Variants in PCDHGA4 observed in about 807,000 individuals in gnomAD.
The protein encoded by PCDHGA4 is protocadherin gamma subfamily A, 4.
In PCDHGA4, 38 loss-of-function variants were observed where a neutral mutation model predicts 54.6. The observed-to-expected ratio is 0.70, with a 90% CI of 0.54 to 0.91. The LOEUF is 0.91. Among genes scored for constraint, PCDHGA4 ranks in the 40% least tolerant of loss-of-function variants. The probability of loss-of-function intolerance (pLI) is 0.00; values close to 1 mark genes in which losing one functional copy is unlikely to be tolerated. For missense variants in PCDHGA4, 1,298 were observed against 1,220.9 expected (o/e 1.06, Z -0.94); for synonymous variants, 511 against 512.9 (o/e 1.00, Z 0.05).
rs772202160 is a variant in PCDHGA4 at position 141,356,568 on chromosome 5, C to T, written c.1461C>T (p.Ser487=). Residue 487 remains serine, a synonymous_variant, in exon 1 of 4, where the codon TCC becomes TCT. Transcript: ENST00000571252. ...NDNPPTFPHA[S]YSAYIPENNP... ...ACCCACCCACTTTCCCTCATGCTTCCTACTCTGCTTACATTCCTGAAAACA... is the reference window on the plus strand; with the variant it reads ...ACCCACCCACTTTCCCTCATGCTTCTTACTCTGCTTACATTCCTGAAAACA... 1 of 1,614,150 alleles carries T rather than the reference C, an allele frequency of 6.2e-7. No homozygotes were observed. Among genetic ancestry groups the T allele is most frequent in the South Asian group, 1.1e-5 (1 of 91,082 alleles).
At chr5:141,501,305 A>G (rs2099807563) in intron 2 of PCDHGA4, among the ~76,000 whole-genome samples, 1 of 151,322 alleles carries the variant, frequency 6.6e-6, no homozygotes, top group African/African-American at 2.4e-5. Flanking sequence ...ACACACACAC[A>G]CACACACACA....
intron 1 of PCDHGA4, chr5:141,388,301 G>C (rs1323976869): frequency 6.2e-7 from 1 of 1,613,606 alleles, no homozygotes; most frequent in African/African-American, 1.3e-5. Context: ...ATTCCTTTGA[G>C]CTGCAAATAA....
chr5:141,401,815 C>G (rs1217081146), intron 1 of PCDHGA4, among the ~76,000 whole-genome samples: 1 of 152,184 alleles, frequency 6.6e-6, no homozygotes, highest in Non-Finnish European at 1.5e-5. Flanking sequence ...GGGTTCCTTA[C>G]AAAGTGCTGA....
chr5:141,375,956 G>C, intron 1 of PCDHGA4: 1 of 1,613,506 alleles, frequency 6.2e-7, no homozygotes, highest in Non-Finnish European at 8.5e-7. Context: ...GCACACGGGC[G>C]AGGTGCGCAC....
chr5:141,455,860 ATTAT>A (rs145569377), intron 1 of PCDHGA4, among the ~76,000 whole-genome samples: 54,169 of 139,612 alleles, frequency 0.39, 10,686 homozygotes, highest in Admixed American at 0.44. Context: ...AATTTCTTTT[ATTAT>A]TTATTTATTT....
chr5:141,382,899 T>A, intron 1 of PCDHGA4: 1 of 1,541,826 alleles, frequency 6.5e-7, no homozygotes. Context: ...GCAGGACGAC[T>A]ATGGCGGCTC....
In PCDHGA4 at chr5:141,491,907, G is replaced by A; in HGVS notation, c.2515-2900G>A. 5 of 1,408,726 alleles carry A rather than the reference G, an allele frequency of 3.5e-6. No homozygotes were observed. In the South Asian group the frequency reaches 7.5e-5, roughly 21 times the overall value. The allele number at this position is 1,408,726 out of a possible 1,614,324, so 87.3% of individuals were successfully genotyped here. A position where few individuals can be genotyped will look rare whatever the true frequency, so the allele number is the denominator to read the frequency against. ...TGGGGCTCCGAGCACCGGGGGTGGTGGCGACTGTGGGCGAGGGGAGGTGGG... is the reference window on the plus strand; with the variant it reads ...TGGGGCTCCGAGCACCGGGGGTGGTAGCGACTGTGGGCGAGGGGAGGTGGG... On this transcript the variant is annotated intron_variant, in intron 1 of 3. Coordinates refer to ENST00000571252, the MANE Select transcript of PCDHGA4 (RefSeq NM_018917.4). This position sits in a 1 kb window ranked among gnomAD's most constrained non-coding sequence, Gnocchi z 6.9.
chr5:141,366,183 C>A, intron 1 of PCDHGA4: 6 of 1,613,986 alleles, frequency 3.7e-6, no homozygotes, highest in Non-Finnish European at 5.1e-6. Context: ...GGACTCTTTG[C>A]GGTTGGGCTG....
chr5:141,475,740 A>G (rs942793010), intron 1 of PCDHGA4, among the ~76,000 whole-genome samples: 4 of 152,280 alleles, frequency 2.6e-5, no homozygotes, highest in Non-Finnish European at 5.9e-5. Flanking sequence ...TCCCTAAGGT[A>G]GGTTTCCTAT....
chr5:141,378,222 A>G (rs574464825), intron 1 of PCDHGA4: 1 of 152,350 alleles, frequency 6.6e-6, no homozygotes, highest in South Asian at 2.1e-4. Flanking sequence ...TGTGTGCCTG[A>G]TAGTATTTAA....
Position 141,423,358 on chromosome 5 carries a change from G to A in PCDHGA4, c.2514+65737G>A, listed in dbSNP as rs202010010. The A allele has an allele frequency of 2.3e-4, 371 of 1,614,078 alleles. 1 individual carries two copies. The highest frequency in any genetic ancestry group is 2.8e-4 in the Non-Finnish European group (334 of 1,180,024). ...CTGCATCTTCCTGGTCTTTGTCATC[G>A]TGCTGCTGGCACTCAGGCTGTGGCG... On this transcript the variant is annotated intron_variant, in intron 1 of 3. Coordinates refer to ENST00000571252, the MANE Select transcript of PCDHGA4 (RefSeq NM_018917.4).
intron 1 of PCDHGA4, chr5:141,422,463 C>G (rs1461108652): frequency 6.2e-7 from 1 of 1,613,472 alleles, no homozygotes; most frequent in Non-Finnish European, 8.5e-7. Flanking sequence ...GAGTGCTGGA[C>G]AGGGAGTTGG....
chr5:141,481,257 A>T (rs2099534664), intron 1 of PCDHGA4, among the ~76,000 whole-genome samples: 1 of 152,172 alleles, frequency 6.6e-6, no homozygotes, highest in African/African-American at 2.4e-5. Context: ...GCTCTAAAAG[A>T]TCACTGTAGG....
At chr5:141,416,253 A>G (rs1399251065) in intron 1 of PCDHGA4, 1 of 152,312 alleles carries the variant, frequency 6.6e-6, no homozygotes, top group Non-Finnish European at 1.5e-5. Flanking sequence ...AACTGATAAC[A>G]CTGCAGTATC....
rs73265846 is a variant in PCDHGA4, at chr5:141,370,853, C to T, written c.2514+13232C>T. 1,195 of 1,614,040 alleles carry T rather than the reference C, an allele frequency of 7.4e-4. 6 individuals carry two copies. In the African/African-American group the frequency reaches 0.014, roughly 19 times the overall value. On this transcript the variant is annotated intron_variant, in intron 1 of 3. Coordinates refer to ENST00000571252, the MANE Select transcript of PCDHGA4 (RefSeq NM_018917.4). ...TGGCTCTCACTGGAGCCACATTTGC[C>T]CTGGAATCTGCGCAAGATCCTGATG...
chr5:141,499,485 A>G (rs1278629076), intron 2 of PCDHGA4, among the ~76,000 whole-genome samples: 2 of 152,226 alleles, frequency 1.3e-5, no homozygotes, highest in Non-Finnish European at 2.9e-5. Flanking sequence ...ACCACCAACT[A>G]CAGTTTAATA....
In PCDHGA4 at chr5:141,357,491, G is replaced by A; in HGVS notation, c.2384G>A (p.Arg795Gln). ...GAGGTCTCCCTCACCGCGGACTCGC[G>A]GAAGAGTCACCTGATCTTCTCCCAA... ...SHEVSLTADS[R>Q]KSHLIFSQPS... Residue 795 changes from arginine (R) to glutamine (Q), a missense_variant, in exon 1 of 4, where the codon CGG becomes CAG. Coordinates refer to ENST00000571252, the MANE Select transcript of PCDHGA4 (RefSeq NM_018917.4). 6.2e-7 allele frequency: 1 copy of A among 1,614,224 alleles called. No homozygotes were observed. The highest frequency in any genetic ancestry group is 1.3e-5 in the African/African-American group (1 of 75,064).
intron 1 of PCDHGA4, chr5:141,389,485 A>G (rs2091790696): frequency 1.2e-6 from 2 of 1,612,936 alleles, no homozygotes; most frequent in Non-Finnish European, 1.7e-6. Flanking sequence ...CAGGCCCGCG[A>G]CCAGGGCTCG....
intron 1 of PCDHGA4, among the ~76,000 whole-genome samples, chr5:141,444,162 T>A: frequency 8.4e-6 from 1 of 119,238 alleles, no homozygotes. Flanking sequence ...ATTTTTTTTT[T>A]TTTTTTTTTT....
Sources: allele counts gnomAD v4.1 joint callset (sites outside exome capture counted in the v4.1 genomes callset), GRCh38; gene constraint gnomAD v4.1.1; non-coding constraint Gnocchi (gnomAD v3.1); transcripts MANE v1.5; gene names NCBI Gene and HGNC (gene_info 2026-07-23, HGNC 2026-07-21).